PTPN13: variants seen among roughly 807,000 people sequenced by gnomAD.
PTPN13 encodes protein tyrosine phosphatase non-receptor type 13.
A neutral mutation model predicts 284.0 loss-of-function variants in PTPN13; 191 were observed. The ratio of observed to expected loss-of-function variants is 0.67; its 90% CI spans 0.60 to 0.76. The LOEUF (loss-of-function observed/expected upper bound fraction) is 0.76. PTPN13 is among the 30% of genes least tolerant of loss of function. The pLI is 0.00. For synonymous variants in PTPN13, 986 were observed against 1,022.3 expected (o/e 0.96, Z 0.68); for missense variants, 2,797 against 2,939.9 (o/e 0.95, Z 1.12).
At chr4:86,744,613 C>T (rs1736523477) in intron 16 of PTPN13, among the ~76,000 whole-genome samples, 1 of 152,168 alleles carries the variant, frequency 6.6e-6, no homozygotes, top group African/African-American at 2.4e-5. Context: ...TGTATCTTTA[C>T]CACACCTTTT....
At chr4:86,806,086 G>A (rs553023842) in intron 44 of PTPN13, among the ~76,000 whole-genome samples, 2 of 151,856 alleles carry the variant, frequency 1.3e-5, no homozygotes, top group African/African-American at 4.8e-5. Flanking sequence ...GAACCCGGGA[G>A]GCAGAGGTTG....
Position 86,716,422 on chromosome 4 carries a change from A to G in PTPN13, c.1196-108A>G, listed in dbSNP as rs1356897686. On this transcript the variant is annotated intron_variant, in intron 7 of 47. Coordinates refer to ENST00000411767, the MANE Select transcript of PTPN13 (RefSeq NM_080683.3). ...TACACTCCAGCAATTGGTAAATTTA[A>G]AGCAATGTATAAAATGTTTTAGTCC... The G allele has an allele frequency of 7.4e-6, 5 of 672,180 alleles. No homozygotes were observed. The Admixed American group carries it at 1.7e-4, about 22-fold the overall frequency. The allele number at this position is 672,180 out of a possible 1,614,324, so 41.6% of individuals were successfully genotyped here. A position where few individuals can be genotyped will look rare whatever the true frequency, so the allele number is the denominator to read the frequency against.
At chr4:86,672,969 G>A (rs944784424) in intron 3 of PTPN13, among the ~76,000 whole-genome samples, 1 of 152,166 alleles carries the variant, frequency 6.6e-6, no homozygotes, top group African/African-American at 2.4e-5. Context: ...GCAAGAAACT[G>A]TTCCACTCAG....
chr4:86,796,236 TGAA>T (rs902198696), intron 40 of PTPN13, among the ~76,000 whole-genome samples: 2 of 152,182 alleles, frequency 1.3e-5, no homozygotes, highest in African/African-American at 4.8e-5. Flanking sequence ...ATTTTAAAAT[TGAA>T]GTAGAAAAGC....
intron 1 of PTPN13, among the ~76,000 whole-genome samples, chr4:86,626,351 A>T (rs1373054504): frequency 6.6e-6 from 1 of 152,146 alleles, no homozygotes; most frequent in Admixed American, 6.6e-5. Context: ...GTTGACAAAT[A>T]CTAAACATTG....
rs540335742 is a variant in PTPN13 at position 86,645,410 on chromosome 4, T to A, written c.115+10039T>A. ...AATAAAGCAAGACAAATAAAAGGCATCCAGATTAGAAAAAAGCAGAACTGT... is the reference window on the plus strand; with the variant it reads ...AATAAAGCAAGACAAATAAAAGGCAACCAGATTAGAAAAAAGCAGAACTGT... On this transcript the variant is annotated intron_variant, in intron 2 of 47. Transcript: ENST00000411767. Among the ~76,000 whole-genome samples, 3 of 152,210 alleles carry A rather than the reference T, an allele frequency of 2.0e-5. No individual in the cohort carries two copies. In the South Asian group the frequency reaches 6.2e-4, roughly 32 times the overall value.
At chr4:86,751,195 A>C (rs1320542032) in intron 19 of PTPN13, 71 bp downstream of exon 19, 1 of 1,118,158 alleles carries the variant, frequency 8.9e-7, no homozygotes, top group African/African-American at 1.6e-5. Context: ...AGATCATCTT[A>C]ATTATCAAAT....
chr4:86,765,454 G>A lies in PTPN13; in HGVS notation c.4209G>A (p.Gln1403=), dbSNP rs1739190578. ...TTTATGTGAAAGCTGTTATTCCCCA[G>A]GGAGCAGCAGAGTCTGATGGTAGAA... The part of the protein sequence containing the change: ...GGIYVKAVIP[Q]GAAESDGRIH... The change falls in exon 26 of 48, where the codon CAG becomes CAA. Residue 1403 remains glutamine, a synonymous_variant. Transcript: ENST00000411767. 5 of 1,598,604 alleles carry A rather than the reference G, an allele frequency of 3.1e-6. No individual in the cohort carries two copies. Among genetic ancestry groups the A allele is most frequent in the Non-Finnish European group, 4.3e-6 (5 of 1,171,832 alleles).
intron 3 of PTPN13, among the ~76,000 whole-genome samples, chr4:86,674,031 A>G (rs765941787): frequency 1.3e-5 from 2 of 152,164 alleles, no homozygotes; most frequent in Non-Finnish European, 2.9e-5. Flanking sequence ...CTCTGTGGAA[A>G]AGAACTGAAA....
intron 5 of PTPN13, among the ~76,000 whole-genome samples, chr4:86,691,941 A>T (rs1730071297): frequency 6.6e-6 from 1 of 152,182 alleles, no homozygotes; most frequent in Admixed American, 6.5e-5. Context: ...TTAATGTTAT[A>T]ATATTTGGAC....
intron 40 of PTPN13, among the ~76,000 whole-genome samples, chr4:86,795,366 A>C (rs1169043931): frequency 6.6e-6 from 1 of 152,200 alleles, no homozygotes; most frequent in African/African-American, 2.4e-5. Flanking sequence ...TTAGAATGGC[A>C]ATCGTTAAAA....
At chr4:86,724,735 A>G (rs1734043603) in intron 10 of PTPN13, among the ~76,000 whole-genome samples, 1 of 151,986 alleles carries the variant, frequency 6.6e-6, no homozygotes, top group East Asian at 1.9e-4. Context: ...TTTGGTGCAG[A>G]CACATCTTAA....
At chr4:86,771,649 G>A (rs1319630707) in intron 31 of PTPN13, 114 bp downstream of exon 31, 7 of 1,159,098 alleles carry the variant, frequency 6.0e-6, no homozygotes, top group Non-Finnish European at 8.3e-6. Flanking sequence ...CTTCACAGTG[G>A]TTAGGCAGAG....
chr4:86,680,819 G>C (rs1329640652), intron 3 of PTPN13, among the ~76,000 whole-genome samples: 1 of 152,120 alleles, frequency 6.6e-6, no homozygotes, highest in East Asian at 1.9e-4. Context: ...GTGCTTCTGG[G>C]CTTCACTTCT....
chr4:86,796,657 A>T lies in PTPN13; in HGVS notation c.6346-217A>T, dbSNP rs538744386. On this transcript the variant is annotated intron_variant, in intron 40 of 47. Coordinates refer to ENST00000411767, the MANE Select transcript of PTPN13 (RefSeq NM_080683.3). The stretch of plus-strand genomic sequence containing the variant: ...CTCTTTAAAAAAATGAAAAGCCAAG[A>T]TGAGTGTGAAGTTACCTAAGTGGGA... Among the ~76,000 whole-genome samples, 17 of 152,284 alleles carry T rather than the reference A, an allele frequency of 1.1e-4. No individual in the cohort carries two copies. In the South Asian group the frequency reaches 2.5e-3, roughly 22 times the overall value.
At chr4:86,799,551 A>G (rs1743754294) in intron 42 of PTPN13, among the ~76,000 whole-genome samples, 1 of 151,852 alleles carries the variant, frequency 6.6e-6, no homozygotes, top group Non-Finnish European at 1.5e-5. Flanking sequence ...GCTGGTCTGG[A>G]ACTCCTGACC....
At chr4:86,687,228 G>A (rs1729551345) in intron 4 of PTPN13, among the ~76,000 whole-genome samples, 1 of 152,098 alleles carries the variant, frequency 6.6e-6, no homozygotes, top group Admixed American at 6.6e-5. Context: ...GAATGTCATA[G>A]CTTTTTCTCT....
intron 2 of PTPN13, among the ~76,000 whole-genome samples, chr4:86,660,928 T>C (rs2148848981): frequency 6.6e-6 from 1 of 152,302 alleles, no homozygotes; most frequent in Non-Finnish European, 1.5e-5. Flanking sequence ...TCTAGTCCTA[T>C]CCTTGGTGAT....
intron 3 of PTPN13, among the ~76,000 whole-genome samples, chr4:86,673,041 A>G (rs968214805): frequency 4.6e-5 from 7 of 152,204 alleles, no homozygotes; most frequent in Non-Finnish European, 1.0e-4. Context: ...TGTGCAGTTC[A>G]TAATAGGATT....
Sources: allele counts gnomAD v4.1 joint callset (sites outside exome capture counted in the v4.1 genomes callset), GRCh38; gene constraint gnomAD v4.1.1; transcripts MANE v1.5; gene names NCBI Gene and HGNC (gene_info 2026-07-23, HGNC 2026-07-21).